PRSS36: variants seen among roughly 807,000 people sequenced by gnomAD.
PRSS36 encodes the protein polyserase-2.
Under a neutral mutation model 94.3 loss-of-function variants are expected in PRSS36, and 90 were observed. That is an observed-to-expected ratio of 0.95 (90% confidence interval 0.80 to 1.14). The LOEUF (loss-of-function observed/expected upper bound fraction) is 1.14. PRSS36 is among the 50% of genes most tolerant of loss of function. The pLI is 0.00. For synonymous variants in PRSS36, 500 were observed against 489.6 expected (o/e 1.02, Z -0.28); for missense variants, 1,158 against 1,135.0 (o/e 1.02, Z -0.29).
At position 31,142,928 on chromosome 16, in the gene PRSS36, G is replaced by A; in HGVS notation, c.1166C>T (p.Pro389Leu). The part of the protein sequence containing the change: ...DAWRVLLPSR[P>L]RAERVARLVQ... The stretch of plus-strand genomic sequence containing the variant: ...CAGGCGCGCCACCCGCTCCGCGCGC[G>A]GGCGCGAGGGCAGCAGCACGCGCCA... The change falls in exon 9 of 15, where the codon CCG becomes CTG. Residue 389 changes from proline to leucine, a missense_variant. Pro to Leu is a moderately conservative substitution (Grantham distance 98). Coordinates refer to ENST00000268281, the MANE Select transcript of PRSS36 (RefSeq NM_173502.5). The A allele has an allele frequency of 1.3e-6, 2 of 1,509,402 alleles. No homozygotes were observed. The highest frequency in any genetic ancestry group is 1.8e-6 in the Non-Finnish European group (2 of 1,135,618). 93.5% of individuals were successfully genotyped at this position (1,509,402 alleles called of 1,614,324 possible).
At chr16:31,142,076 CT>C in intron 10 of PRSS36, 116 bp from the exon 11 acceptor site, 2 of 865,582 alleles carry the variant, frequency 2.3e-6, no homozygotes, top group Admixed American at 4.1e-5. Context: ...CAAGTTCCAC[CT>C]TCTCCAAATC....
At position 31,148,985 on chromosome 16, in the gene PRSS36, A is replaced by G. The variant is rs1411112770; in HGVS notation, c.272+88T>C. 2.3e-6 allele frequency: 3 copies of G among 1,301,170 alleles called. No homozygotes were observed. In the African/African-American group the frequency reaches 4.6e-5, roughly 20 times the overall value. 80.6% of individuals were successfully genotyped at this position (1,301,170 alleles called of 1,614,324 possible). A position where few individuals can be genotyped will look rare whatever the true frequency, so the allele number is the denominator to read the frequency against. ...GCTTGGCTCCAAATTATCCTTGAGG[A>G]CGGAAGTGGGGCGGGAGGAGGGGAC... On this transcript the variant is annotated intron_variant, in intron 4 of 14. Transcript: ENST00000268281.
intron 6 of PRSS36, among the ~76,000 whole-genome samples, chr16:31,144,045 A>G (rs935002072): frequency 6.6e-6 from 1 of 152,206 alleles, no homozygotes; most frequent in Non-Finnish European, 1.5e-5. Flanking sequence ...CAAGAGCACC[A>G]GGGGAGTGCA....
intron 5 of PRSS36, 141 bp from the exon 6 acceptor site, chr16:31,146,096 T>G (rs1282702674): frequency 2.9e-6 from 2 of 699,968 alleles, no homozygotes; most frequent in African/African-American, 3.6e-5. Flanking sequence ...ATTCACCACA[T>G]CTCCTCCTGC....
intron 5 of PRSS36, 131 bp downstream of exon 5, chr16:31,148,264 A>G (rs537905794): frequency 4.9e-6 from 5 of 1,013,686 alleles, no homozygotes; most frequent in Non-Finnish European, 5.5e-6. Flanking sequence ...ACCGACCCGC[A>G]GAAACCTACC....
chr16:31,139,350 C>G lies in PRSS36; in HGVS notation c.2356G>C (p.Val786Leu). Residue 786 changes from valine to leucine, a missense_variant, in exon 15 of 15, where the codon GTT becomes CTT. Val to Leu is a conservative substitution (Grantham distance 32). Transcript: ENST00000268281. Reference protein sequence around the residue: ...EGSWILVGMAVQGSRELFAAI... With the variant: ...EGSWILVGMALQGSRELFAAI... ...GCAAACAGCTCCCGGCTCCCTTGAA[C>G]AGCCATGCCCACGAGGATCCAGGAC... 6.2e-7 allele frequency: 1 copy of G among 1,614,166 alleles called. No individual in the cohort carries two copies. The highest frequency in any genetic ancestry group is 8.5e-7 in the Non-Finnish European group (1 of 1,180,014).
intron 10 of PRSS36, among the ~76,000 whole-genome samples, 182 bp downstream of exon 10, chr16:31,142,299 C>G (rs1039130208): frequency 5.3e-5 from 8 of 152,002 alleles, no homozygotes; most frequent in Non-Finnish European, 7.4e-5. Flanking sequence ...CCGCCCCTTC[C>G]TAGAGCCCAC....
rs191640628 is a variant in PRSS36, at chr16:31,143,299, A to G, written c.1100+43T>C. 825 of 1,548,178 alleles carry G rather than the reference A, an allele frequency of 5.3e-4. 6 individuals are homozygous for G. In the Admixed American group the frequency reaches 0.013, roughly 24 times the overall value. On this transcript the variant is annotated intron_variant, in intron 8 of 14. Coordinates refer to ENST00000268281, the MANE Select transcript of PRSS36 (RefSeq NM_173502.5). ...CCGAATGGATGGTATCTCAGGCTGTAGGGAGGGGCAAGGATCGGCTTGAAA... is the reference window on the plus strand; with the variant it reads ...CCGAATGGATGGTATCTCAGGCTGTGGGGAGGGGCAAGGATCGGCTTGAAA...
chr16:31,139,019 C>T lies in PRSS36; in HGVS notation c.*119G>A. The T allele has an allele frequency of 8.2e-7, 1 of 1,217,996 alleles. No individual in the cohort carries two copies. The allele number at this position is 1,217,996 out of a possible 1,614,324, so 75.4% of individuals were successfully genotyped here. On this transcript the variant is annotated 3_prime_UTR_variant, in exon 15 of 15. Coordinates refer to ENST00000268281, the MANE Select transcript of PRSS36 (RefSeq NM_173502.5). Reference sequence around the variant, plus strand: ...GGCACTGAGGCCCAATTAGCCAGAGCCGCTGCAATCTCGGTGGGTGGGGCC... The same window carrying T: ...GGCACTGAGGCCCAATTAGCCAGAGTCGCTGCAATCTCGGTGGGTGGGGCC...
At chr16:31,145,180 T>C (rs537111212) in intron 6 of PRSS36, among the ~76,000 whole-genome samples, 163 of 151,612 alleles carry the variant, frequency 1.1e-3, no homozygotes, top group African/African-American at 3.7e-3. Flanking sequence ...CAATCCTGGC[T>C]AACCTGGTGA....
chr16:31,144,140 C>T (rs2057761724), intron 6 of PRSS36, among the ~76,000 whole-genome samples: 1 of 151,386 alleles, frequency 6.6e-6, no homozygotes, highest in South Asian at 2.1e-4. Flanking sequence ...TCCCCTCCCT[C>T]CCTTCCTTCC....
intron 4 of PRSS36, 148 bp downstream of exon 4, chr16:31,148,925 C>A (rs924625308): frequency 8.7e-6 from 9 of 1,033,716 alleles, no homozygotes; most frequent in Non-Finnish European, 9.7e-6. Context: ...CACTCGGAAC[C>A]ATGATGCCTC....
intron 1 of PRSS36, 91 bp from the exon 2 acceptor site, chr16:31,149,822 T>A: frequency 6.3e-7 from 1 of 1,590,430 alleles, no homozygotes; most frequent in Non-Finnish European, 8.6e-7. Context: ...CTAGCCTCCG[T>A]CTCCCCAGGG....
chr16:31,140,640 G>C lies in PRSS36; in HGVS notation c.2019C>G (p.His673Gln). ...GGGCCAGGGGGGGCCTGAGTCCCAG[G>C]TGCTGGGGCAGCCGGATGCTGATGA... is the stretch of plus-strand genomic sequence containing the variant. ...RLVISIRLPQ[H>Q]LGLRPPLALL... is the part of the protein sequence containing the mutation. The change falls in exon 13 of 15, where the codon CAC (histidine) becomes CAG (glutamine). Residue 673 changes from histidine to glutamine, a missense_variant. By Grantham distance (24) the His-to-Gln change is conservative. Transcript: ENST00000268281. The C allele has an allele frequency of 6.2e-7, 1 of 1,613,572 alleles. No individual in the cohort carries two copies. Among genetic ancestry groups the C allele is most frequent in the Non-Finnish European group, 8.5e-7 (1 of 1,179,790 alleles).
In PRSS36 at chr16:31,141,456, G is replaced by C. The variant is rs751351369; in HGVS notation, c.1901+13C>G. On this transcript the variant is annotated intron_variant, in intron 12 of 14. Coordinates refer to ENST00000268281, the MANE Select transcript of PRSS36 (RefSeq NM_173502.5). ...CCCTCCCGTCTCTCGCCTAGGAGAC[G>C]AGTGAGACCCACCTGAGGACACAGT... 20 of 1,597,434 alleles carry C rather than the reference G, an allele frequency of 1.3e-5. No individual in the cohort carries two copies. The highest frequency in any genetic ancestry group is 2.2e-5 in the South Asian group (2 of 90,428).
In PRSS36 at chr16:31,143,114, C is replaced by T. The variant is rs996047699; in HGVS notation, c.1101-121G>A. ...TCCTGGCGGGATCCCCACGACACCC[C>T]CATTCCAACAGCTCACTCACACCCC... On this transcript the variant is annotated intron_variant, in intron 8 of 14. Transcript: ENST00000268281. 1.4e-5 allele frequency: 19 copies of T among 1,344,028 alleles called. No individual in the cohort carries two copies. The African/African-American group carries it at 2.5e-4, about 18-fold the overall frequency. The allele number at this position is 1,344,028 out of a possible 1,614,324, so 83.3% of individuals were successfully genotyped here.
intron 4 of PRSS36, 117 bp downstream of exon 4, chr16:31,148,956 G>C (rs1221354782): frequency 1.6e-6 from 2 of 1,229,508 alleles, no homozygotes; most frequent in African/African-American, 3.1e-5. Context: ...TCGCTTTGGG[G>C]ACAGCTTGGC....
Position 31,138,984 on chromosome 16 carries a change from A to G in PRSS36, c.*154T>C. 1 of 827,106 alleles carries G rather than the reference A, an allele frequency of 1.2e-6. No individual in the cohort carries two copies. The highest frequency in any genetic ancestry group is 1.8e-6 in the Non-Finnish European group (1 of 541,722). The allele number at this position is 827,106 out of a possible 1,614,324, so 51.2% of individuals were successfully genotyped here. On this transcript the variant is annotated 3_prime_UTR_variant, in exon 15 of 15. Coordinates refer to ENST00000268281, the MANE Select transcript of PRSS36 (RefSeq NM_173502.5). ...CCACCCCCAAGGATTCCTGGGTTCA[A>G]AATAGCCCGGGCACTGAGGCCCAAT... is the stretch of plus-strand genomic sequence containing the variant.
At position 31,138,998 on chromosome 16, in the gene PRSS36, C is replaced by G. The variant is rs1407246872; in HGVS notation, c.*140G>C. On this transcript the variant is annotated 3_prime_UTR_variant, in exon 15 of 15. Transcript: ENST00000268281. ...TCCTGGGTTCAAAATAGCCCGGGCA[C>G]TGAGGCCCAATTAGCCAGAGCCGCT... 6.1e-6 allele frequency: 6 copies of G among 988,564 alleles called. No homozygotes were observed. The African/African-American group carries it at 8.2e-5, about 13-fold the overall frequency. 61.2% of individuals were successfully genotyped at this position (988,564 alleles called of 1,614,324 possible). A position where few individuals can be genotyped will look rare whatever the true frequency, so the allele number is the denominator to read the frequency against.
Sources: allele counts gnomAD v4.1 joint callset (sites outside exome capture counted in the v4.1 genomes callset), GRCh38; gene constraint gnomAD v4.1.1; transcripts MANE v1.5; gene names NCBI Gene and HGNC (gene_info 2026-07-23, HGNC 2026-07-21).